GUCY1A2: variants seen among roughly 807,000 people sequenced by gnomAD.
The protein encoded by GUCY1A2 is guanylate cyclase soluble subunit alpha-2.
GUCY1A2 carries 27 observed loss-of-function variants against 63.5 expected under a neutral mutation model. That is an observed-to-expected ratio of 0.43 (90% CI 0.31 to 0.59). The LOEUF (loss-of-function observed/expected upper bound fraction) is 0.59, where lower values mean the gene tolerates loss of function less well. Ranked by LOEUF, GUCY1A2 falls within the 20% of genes least tolerant of loss-of-function variation. GUCY1A2 has a pLI of 0.11. For synonymous variants in GUCY1A2, 364 were observed against 343.5 expected (o/e 1.06, Z -0.66); for missense variants, 768 against 913.3 (o/e 0.84, Z 2.05).
chr11:106,963,305 G>A (rs1401654935), intron 3 of GUCY1A2, among the ~76,000 whole-genome samples: 1 of 152,202 alleles, frequency 6.6e-6, no homozygotes, highest in Non-Finnish European at 1.5e-5. Flanking sequence ...TATCATAATA[G>A]TAAAGGGATG....
intron 4 of GUCY1A2, among the ~76,000 whole-genome samples, chr11:106,885,792 A>G (rs753281929): frequency 3.3e-5 from 5 of 152,230 alleles, no homozygotes; most frequent in Non-Finnish European, 7.3e-5. Flanking sequence ...CAATCATCAC[A>G]TGTAGTATAC....
At chr11:107,013,515 C>T (rs1861776598) in intron 1 of GUCY1A2, among the ~76,000 whole-genome samples, 1 of 152,196 alleles carries the variant, frequency 6.6e-6, no homozygotes, top group Non-Finnish European at 1.5e-5. Context: ...ATGATTTATA[C>T]ATCTTCAATC....
chr11:106,698,520 A>T (rs1329706383), intron 7 of GUCY1A2, among the ~76,000 whole-genome samples: 1 of 152,200 alleles, frequency 6.6e-6, no homozygotes, highest in Non-Finnish European at 1.5e-5. Flanking sequence ...AATTGCAAAG[A>T]TATATAGTAT....
At chr11:106,998,932 A>G (rs751271283) in intron 1 of GUCY1A2, among the ~76,000 whole-genome samples, 6 of 152,220 alleles carry the variant, frequency 3.9e-5, no homozygotes, top group Non-Finnish European at 7.3e-5. Flanking sequence ...TAAATAATTT[A>G]CCGTCGCAAA....
At chr11:106,854,242 T>G (rs749883106) in intron 4 of GUCY1A2, among the ~76,000 whole-genome samples, 15 of 152,126 alleles carry the variant, frequency 9.9e-5, no homozygotes, top group Non-Finnish European at 1.6e-4. Context: ...CAGGACAGCC[T>G]TGGGCCCGTG....
chr11:106,856,929 T>C (rs938873131), intron 4 of GUCY1A2, among the ~76,000 whole-genome samples: 4 of 152,206 alleles, frequency 2.6e-5, no homozygotes, highest in African/African-American at 9.6e-5. Flanking sequence ...CTAGTCCCCA[T>C]AGTGCTTTTC....
At chr11:106,881,273 G>C (rs1363561043) in intron 4 of GUCY1A2, among the ~76,000 whole-genome samples, 1 of 151,992 alleles carries the variant, frequency 6.6e-6, no homozygotes, top group African/African-American at 2.4e-5. Context: ...CACTCCAAAT[G>C]TTCAAAGGAT....
rs113178541 is a variant in GUCY1A2, at chr11:106,979,226, C to T, written c.366-486G>A. Among the ~76,000 whole-genome samples the T allele has an allele frequency of 3.4e-3, 510 of 152,158 alleles. 3 individuals are homozygous for T. Among genetic ancestry groups the T allele is most frequent in the African/African-American group, 0.012 (490 of 41,530 alleles). Reference sequence around the variant, plus strand: ...ATCCTAGCACTTTGGGAGGCCCAGGCGGGCAGATCACGAGTTCAGGAGATC... The same window carrying T: ...ATCCTAGCACTTTGGGAGGCCCAGGTGGGCAGATCACGAGTTCAGGAGATC... On this transcript the variant is annotated intron_variant, in intron 2 of 7. Transcript: ENST00000526355.
chr11:106,768,607 A>C (rs1864202989), intron 6 of GUCY1A2, among the ~76,000 whole-genome samples: 2 of 152,094 alleles, frequency 1.3e-5, no homozygotes, highest in Admixed American at 1.3e-4. Flanking sequence ...TAATTCCTTC[A>C]CAGAATTATT....
At chr11:106,768,349 A>C (rs200343018) in intron 6 of GUCY1A2, among the ~76,000 whole-genome samples, 1 of 58,946 alleles carries the variant, frequency 1.7e-5, no homozygotes, top group Non-Finnish European at 4.1e-5. Flanking sequence ...TGGATGGAAT[A>C]CCTTTAAAAT....
intron 4 of GUCY1A2, among the ~76,000 whole-genome samples, chr11:106,933,167 A>T (rs1314776414): frequency 1.3e-5 from 2 of 152,168 alleles, no homozygotes; most frequent in African/African-American, 4.8e-5. Context: ...TGAACAGAGT[A>T]AACAACCTAA....
At chr11:106,911,099 G>C (rs571562728) in intron 4 of GUCY1A2, among the ~76,000 whole-genome samples, 44 of 152,086 alleles carry the variant, frequency 2.9e-4, no homozygotes, top group African/African-American at 1.0e-3. Flanking sequence ...GAATAAAGGG[G>C]AGAAGAGGAA....
chr11:106,701,501 C>G (rs1862817026), intron 7 of GUCY1A2, among the ~76,000 whole-genome samples: 1 of 152,134 alleles, frequency 6.6e-6, no homozygotes, highest in African/African-American at 2.4e-5. Context: ...CTCTCTTCAC[C>G]ATTTTCTTGC....
rs1031679795 is a variant in GUCY1A2, at chr11:106,676,037, A to T, written c.*11512T>A. The T allele has an allele frequency of 1.1e-5, 2 of 186,768 alleles. No individual in the cohort carries two copies. Among genetic ancestry groups the T allele is most frequent in the Non-Finnish European group, 2.3e-5 (2 of 88,490 alleles). The allele number at this position is 186,768 out of a possible 1,614,324, so 11.6% of individuals were successfully genotyped here. A position where few individuals can be genotyped will look rare whatever the true frequency, so the allele number is the denominator to read the frequency against. ...ATATCTTTCCACAGAGGAACAAATC[A>T]TGTTTTTTTCTGTATAATTTTCTAT... On this transcript the variant is annotated 3_prime_UTR_variant, in exon 8 of 8. Coordinates refer to ENST00000526355, the MANE Select transcript of GUCY1A2 (RefSeq NM_000855.3).
chr11:106,885,748 T>C (rs935709372), intron 4 of GUCY1A2, among the ~76,000 whole-genome samples: 1 of 152,192 alleles, frequency 6.6e-6, no homozygotes, highest in South Asian at 2.1e-4. Flanking sequence ...CTTTTGTAAA[T>C]GTTTTTAAAG....
At chr11:106,981,082 T>G (rs1448619780) in intron 2 of GUCY1A2, among the ~76,000 whole-genome samples, 1 of 152,230 alleles carries the variant, frequency 6.6e-6, no homozygotes, top group Non-Finnish European at 1.5e-5. Flanking sequence ...GATATTAGCT[T>G]TTGTCTAATT....
chr11:106,929,850 TTTTTATATGATA>T lies in GUCY1A2; in HGVS notation c.1206+9598_1206+9609del, dbSNP rs751512334. Reference sequence around the variant, plus strand: ...CTTCTGAAACAAAAACTTTATCTAATTTTTATATGATAACTATTTAAATATTTGAAAGCAGCT... The same window carrying T: ...CTTCTGAAACAAAAACTTTATCTAATACTATTTAAATATTTGAAAGCAGCT... On this transcript the variant is annotated intron_variant, in intron 4 of 7. Transcript: ENST00000526355. Among the ~76,000 whole-genome samples the T allele has an allele frequency of 6.8e-3, 1,038 of 152,336 alleles. 5 individuals carry two copies. The highest frequency in any genetic ancestry group is 0.012 in the Non-Finnish European group (793 of 68,012).
chr11:106,866,361 A>G (rs761146620), intron 4 of GUCY1A2, among the ~76,000 whole-genome samples: 1 of 152,060 alleles, frequency 6.6e-6, no homozygotes. Context: ...GTCACAAAAC[A>G]TTTCCTAAGG....
intron 6 of GUCY1A2, among the ~76,000 whole-genome samples, chr11:106,730,094 ATT>A (rs1555024471): frequency 1.3e-4 from 16 of 119,870 alleles, no homozygotes; most frequent in South Asian, 2.9e-4. Context: ...ATATATATAT[ATT>A]ATAGTATATA....
Sources: gnomAD v4.1 joint callset for allele counts (sites outside exome capture counted in the v4.1 genomes callset) on GRCh38, gnomAD v4.1.1 for gene constraint, MANE v1.5 for transcripts, NCBI Gene and HGNC (gene_info 2026-07-23, HGNC 2026-07-21) for gene names.